The following SCFD2 variants were observed in gnomAD, a reference collection of about 807,000 sequenced individuals.
The protein encoded by SCFD2 is sec1 family domain-containing protein 2.
A neutral mutation model predicts 58.9 loss-of-function variants in SCFD2; 54 were observed. The observed-to-expected ratio is 0.92, with a 90% confidence interval of 0.74 to 1.15. SCFD2 has a LOEUF of 1.15. Among genes scored for constraint, SCFD2 ranks in the 50% most tolerant of loss-of-function variants. SCFD2 has a pLI of 0.00. For missense variants in SCFD2, 805 were observed against 836.6 expected (o/e 0.96, Z 0.47); for synonymous variants, 321 against 335.9 (o/e 0.96, Z 0.49).
rs79858981 is a variant in SCFD2, at chr4:53,081,498, T to C, written c.1561+63835A>G. Among the ~76,000 whole-genome samples, 912 of 152,290 alleles carry C rather than the reference T, an allele frequency of 6.0e-3. 4 individuals carry two copies. The highest frequency in any genetic ancestry group is 8.7e-3 in the Non-Finnish European group (594 of 68,016). On this transcript the variant is annotated intron_variant, in intron 5 of 8. Transcript: ENST00000401642. ...CCCACTTATAAGTGAGAACATGTGGTATTTGGTTTTCCATTCCTATGAACC... is the reference window on the plus strand; with the variant it reads ...CCCACTTATAAGTGAGAACATGTGGCATTTGGTTTTCCATTCCTATGAACC...
intron 5 of SCFD2, among the ~76,000 whole-genome samples, chr4:53,068,216 C>T (rs1049050333): frequency 4.6e-5 from 7 of 152,076 alleles, no homozygotes; most frequent in Middle Eastern, 3.2e-3. Context: ...GAAGAAAGCA[C>T]AGAGTTCCTC....
At chr4:53,081,963 C>A (rs1560327290) in intron 5 of SCFD2, among the ~76,000 whole-genome samples, 1 of 152,064 alleles carries the variant, frequency 6.6e-6, no homozygotes. Context: ...AATAAGTGGC[C>A]TTTTATGTGT....
At chr4:53,305,187 T>A (rs1285118407) in intron 3 of SCFD2, among the ~76,000 whole-genome samples, 4 of 152,126 alleles carry the variant, frequency 2.6e-5, no homozygotes, top group African/African-American at 4.8e-5. Flanking sequence ...ATGTATTTTT[T>A]AAATTTTTTT....
chr4:53,294,508 GTT>G (rs949176474), intron 3 of SCFD2, among the ~76,000 whole-genome samples: 10 of 152,142 alleles, frequency 6.6e-5, no homozygotes, highest in African/African-American at 2.4e-4. Flanking sequence ...TTGTAAATTT[GTT>G]TAAGTTATTT....
At chr4:53,258,799 C>T (rs1394450651) in intron 4 of SCFD2, among the ~76,000 whole-genome samples, 1 of 151,906 alleles carries the variant, frequency 6.6e-6, no homozygotes, top group African/African-American at 2.4e-5. Flanking sequence ...TAAGGAATCT[C>T]CACACTGTTT....
chr4:53,099,302 AAAGAG>A lies in SCFD2; in HGVS notation c.1561+46026_1561+46030del, dbSNP rs377196543. Among the ~76,000 whole-genome samples the A allele has an allele frequency of 3.3e-4, 50 of 152,302 alleles. No homozygotes were observed. In the East Asian group the frequency reaches 7.7e-3, roughly 24 times the overall value. ...CAAAATTTCACAAAGCGGAGAGTTG[AAAGAG>A]AAAAGAGTAAGTTATCATTACATTC... On this transcript the variant is annotated intron_variant, in intron 5 of 8. Transcript: ENST00000401642.
chr4:52,882,655 T>C (rs1421213542), intron 8 of SCFD2, among the ~76,000 whole-genome samples: 1 of 152,228 alleles, frequency 6.6e-6, no homozygotes, highest in East Asian at 1.9e-4. Flanking sequence ...CTTTCTCATA[T>C]GCTGGATGCT....
chr4:53,248,033 T>G (rs569949168), intron 4 of SCFD2, among the ~76,000 whole-genome samples: 1 of 151,918 alleles, frequency 6.6e-6, no homozygotes, highest in African/African-American at 2.4e-5. Flanking sequence ...CACTAGGGAG[T>G]GCCAGACAGT....
Position 53,057,875 on chromosome 4 carries a change from C to T in SCFD2, c.1561+87458G>A, listed in dbSNP as rs1377750880. ...CAGCCAAAATGTAACGTTACCAACA[C>T]CAGCATCTGGCAGGGAAAGGGCAGT... On this transcript the variant is annotated intron_variant, in intron 5 of 8. Coordinates refer to ENST00000401642, the MANE Select transcript of SCFD2 (RefSeq NM_152540.4). Among the ~76,000 whole-genome samples the T allele has an allele frequency of 4.6e-5, 7 of 152,016 alleles. No individual in the cohort carries two copies. In the South Asian group the frequency reaches 1.5e-3, roughly 32 times the overall value.
chr4:52,971,900 C>G (rs1721112744), intron 5 of SCFD2, among the ~76,000 whole-genome samples: 1 of 152,150 alleles, frequency 6.6e-6, no homozygotes, highest in Non-Finnish European at 1.5e-5. Context: ...CCCAGAATTT[C>G]ATATCCAGCC....
At chr4:53,250,939 A>T (rs1354776319) in intron 4 of SCFD2, among the ~76,000 whole-genome samples, 1 of 152,232 alleles carries the variant, frequency 6.6e-6, no homozygotes, top group Non-Finnish European at 1.5e-5. Flanking sequence ...CCCTTCAAAA[A>T]ATCAATAAAT....
chr4:53,340,330 G>A (rs1325469694), intron 2 of SCFD2, among the ~76,000 whole-genome samples: 1 of 152,212 alleles, frequency 6.6e-6, no homozygotes, highest in South Asian at 2.1e-4. Context: ...GACTGGCTTG[G>A]AGGGTCCCAC....
chr4:53,298,811 C>T (rs11938678), intron 3 of SCFD2, among the ~76,000 whole-genome samples: 20 of 152,242 alleles, frequency 1.3e-4, no homozygotes, highest in African/African-American at 3.9e-4. Flanking sequence ...CTGCAGCCAC[C>T]GCTGCTGATA....
chr4:53,286,273 T>C (rs1731665951), intron 3 of SCFD2, among the ~76,000 whole-genome samples: 1 of 152,146 alleles, frequency 6.6e-6, no homozygotes, highest in South Asian at 2.1e-4. Context: ...TCTGGTGCCT[T>C]GACCCCCAGA....
chr4:52,927,172 T>C (rs539761288), intron 5 of SCFD2, among the ~76,000 whole-genome samples: 1 of 152,146 alleles, frequency 6.6e-6, no homozygotes, highest in African/African-American at 2.4e-5. Context: ...AAAATCAATC[T>C]CTCTCTTACA....
chr4:52,950,908 G>C (rs1720576227), intron 5 of SCFD2: 1 of 152,126 alleles, frequency 6.6e-6, no homozygotes, highest in Admixed American at 6.5e-5. Flanking sequence ...CTCCAGATTA[G>C]ACATGGCCCT....
chr4:52,931,947 A>C (rs537812298), intron 5 of SCFD2, among the ~76,000 whole-genome samples: 1 of 152,250 alleles, frequency 6.6e-6, no homozygotes, highest in African/African-American at 2.4e-5. Flanking sequence ...ATTCTACCTG[A>C]TGCAGCTGCA....
intron 7 of SCFD2, among the ~76,000 whole-genome samples, chr4:52,887,222 T>G (rs1454599838): frequency 6.6e-6 from 1 of 152,152 alleles, no homozygotes; most frequent in East Asian, 1.9e-4. Flanking sequence ...ATCCTCAAGG[T>G]GCTTACAGTA....
chr4:53,178,591 C>T (rs1258076099), intron 4 of SCFD2, among the ~76,000 whole-genome samples: 1 of 152,136 alleles, frequency 6.6e-6, no homozygotes, highest in African/African-American at 2.4e-5. Flanking sequence ...AATCAGAGCG[C>T]CTATCCTCCT....
Sources: allele counts gnomAD v4.1 joint callset (sites outside exome capture counted in the v4.1 genomes callset), GRCh38; gene constraint gnomAD v4.1.1; transcripts MANE v1.5; gene names NCBI Gene and HGNC (gene_info 2026-07-23, HGNC 2026-07-21).